DPH6: variants seen among roughly 807,000 people sequenced by gnomAD.
DPH6 encodes diphthine--ammonia ligase.
Under a neutral mutation model 38.2 loss-of-function variants are expected in DPH6, and 33 were observed. The observed-to-expected ratio is 0.86, with a 90% confidence interval of 0.65 to 1.15. The LOEUF (loss-of-function observed/expected upper bound fraction) is 1.15. DPH6 is among the 50% of genes most tolerant of loss of function. The probability of loss-of-function intolerance (pLI) is 0.00; values close to 1 mark genes in which losing one functional copy is unlikely to be tolerated. For synonymous variants in DPH6, 108 were observed against 103.0 expected (o/e 1.05, Z -0.30); for missense variants, 325 against 320.0 (o/e 1.02, Z -0.12).
At chr15:35,289,604 T>C (rs2051966482) in intron 3 of DPH6, among the ~76,000 whole-genome samples, 1 of 152,228 alleles carries the variant, frequency 6.6e-6, no homozygotes, top group Non-Finnish European at 1.5e-5. Flanking sequence ...GTCATAGGAA[T>C]GAGGCAAATT....
chr15:35,386,519 T>A (rs928998034), intron 6 of DPH6, among the ~76,000 whole-genome samples: 6 of 152,228 alleles, frequency 3.9e-5, no homozygotes, highest in Admixed American at 1.3e-4. Flanking sequence ...GTTTCCTGAC[T>A]TTTTAATGAT....
At chr15:35,483,281 T>C (rs1264823897) in intron 3 of DPH6, among the ~76,000 whole-genome samples, 3 of 151,852 alleles carry the variant, frequency 2.0e-5, no homozygotes, top group Non-Finnish European at 2.9e-5. Context: ...CTAACCAACA[T>C]GGTGAAACCC....
intron 3 of DPH6, among the ~76,000 whole-genome samples, chr15:35,484,477 T>C (rs1017807338): frequency 6.6e-6 from 1 of 152,324 alleles, no homozygotes; most frequent in African/African-American, 2.4e-5. Context: ...GTCATTTATA[T>C]GGCCGTTGGC....
chr15:35,468,858 C>A (rs1566921531), intron 3 of DPH6, among the ~76,000 whole-genome samples: 1 of 151,936 alleles, frequency 6.6e-6, no homozygotes, highest in South Asian at 2.1e-4. Flanking sequence ...AACAGGTGTT[C>A]GGAGTTCAAG....
At chr15:35,283,593 C>T (rs970877716) in intron 3 of DPH6, among the ~76,000 whole-genome samples, 70 of 152,256 alleles carry the variant, frequency 4.6e-4, no homozygotes, top group Non-Finnish European at 6.6e-4. Flanking sequence ...CCACACCCGG[C>T]CCCTGAATAA....
chr15:35,268,966 C>T (rs1233935258), intron 3 of DPH6, among the ~76,000 whole-genome samples: 1 of 152,024 alleles, frequency 6.6e-6, no homozygotes, highest in Non-Finnish European at 1.5e-5. Context: ...ATGAATGTTT[C>T]CAACATGAAA....
rs1289134575 is a variant in DPH6, at chr15:35,284,514, ACTG to A, written n.201-63935_201-63933del. Among the ~76,000 whole-genome samples the A allele has an allele frequency of 4.0e-3, 604 of 151,762 alleles. 3 individuals carry two copies. The highest frequency in any genetic ancestry group is 6.8e-3 in the Non-Finnish European group (461 of 67,932). ...TGAAAAGAAAAAAGTGAGAGCACTT[ACTG>A]TTTTATTTATTTACCTTATAACTTC... On this transcript the variant is annotated intron_variant and non_coding_transcript_variant, in intron 3 of 3. Transcript: ENST00000560386.
chr15:35,376,652 A>T (rs1490967336), intron 7 of DPH6, among the ~76,000 whole-genome samples: 1 of 152,084 alleles, frequency 6.6e-6, no homozygotes, highest in East Asian at 1.9e-4. Flanking sequence ...AGCTTCATTC[A>T]TGTTAAGTGC....
chr15:35,213,828 A>G (rs2051398652), downstream of DPH6, among the ~76,000 whole-genome samples: 1 of 152,140 alleles, frequency 6.6e-6, no homozygotes, highest in Non-Finnish European at 1.5e-5. Flanking sequence ...AGCTTAAAGA[A>G]GAGGCCGGGC....
chr15:35,213,502 G>C (rs865777396), downstream of DPH6, among the ~76,000 whole-genome samples: 13 of 151,978 alleles, frequency 8.6e-5, no homozygotes, highest in Non-Finnish European at 1.3e-4. Context: ...CTCCCCACTA[G>C]ACCTGATGTT....
intron 3 of DPH6, among the ~76,000 whole-genome samples, chr15:35,250,171 C>G (rs1202420597): frequency 6.6e-6 from 1 of 151,334 alleles, no homozygotes; most frequent in Non-Finnish European, 1.5e-5. Context: ...CAGCGAGATT[C>G]TGTCTCAAAA....
chr15:35,334,300 C>T (rs899625191), intron 3 of DPH6, among the ~76,000 whole-genome samples: 7 of 152,086 alleles, frequency 4.6e-5, no homozygotes, highest in African/African-American at 1.4e-4. Flanking sequence ...TAGGTACATA[C>T]ACAAAAATAT....
intron 3 of DPH6, among the ~76,000 whole-genome samples, chr15:35,297,518 T>C (rs2052023382): frequency 6.6e-6 from 1 of 152,136 alleles, no homozygotes. Context: ...CAGTCTCTCA[T>C]TTCTTCTTCT....
chr15:35,428,851 C>G (rs377378943), intron 5 of DPH6, among the ~76,000 whole-genome samples: 12 of 152,016 alleles, frequency 7.9e-5, no homozygotes, highest in Admixed American at 7.9e-4. Flanking sequence ...CTCTACTCAC[C>G]GAATTACATT....
chr15:35,483,380 C>G (rs1016469024), intron 3 of DPH6, among the ~76,000 whole-genome samples: 1 of 151,704 alleles, frequency 6.6e-6, no homozygotes, highest in Admixed American at 6.6e-5. Flanking sequence ...AGGAGAATTG[C>G]TTAAACCCAG....
intron 1 of DPH6, among the ~76,000 whole-genome samples, chr15:35,542,929 A>G (rs2055277902): frequency 1.7e-5 from 1 of 58,720 alleles, no homozygotes; most frequent in African/African-American, 5.5e-5. Context: ...TATAATATAT[A>G]TTATTCCACT....
chr15:35,237,105 T>C, intron 3 of DPH6: 1 of 564,812 alleles, frequency 1.8e-6, no homozygotes, highest in East Asian at 3.0e-5. Context: ...TGGGTTTTCC[T>C]CTACAATTTT....
At chr15:35,148,283 G>A in the DPH6 span, among the ~76,000 whole-genome samples, 1 of 152,070 alleles carries the variant, frequency 6.6e-6, no homozygotes, top group Non-Finnish European at 1.5e-5. Context: ...CTGTACTATA[G>A]TTTGGCTCCC....
downstream of DPH6, among the ~76,000 whole-genome samples, chr15:35,367,530 T>C (rs2052671379): frequency 6.6e-6 from 1 of 151,856 alleles, no homozygotes; most frequent in Non-Finnish European, 1.5e-5. Flanking sequence ...GCATGGTATA[T>C]TTTACTATCA....
Sources: gnomAD v4.1 joint callset for allele counts (sites outside exome capture counted in the v4.1 genomes callset) on GRCh38, gnomAD v4.1.1 for gene constraint, MANE v1.5 for transcripts, NCBI Gene and HGNC (gene_info 2026-07-23, HGNC 2026-07-21) for gene names.